The following TRMT9B variants were observed in gnomAD, a reference collection of about 807,000 sequenced individuals.
TRMT9B encodes tRNA methyltransferase 9B (putative), also known as probable tRNA methyltransferase 9B.
Under a neutral mutation model 11.5 loss-of-function variants are expected in TRMT9B, and 16 were observed. The observed-to-expected ratio is 1.39, with a 90% CI of 0.94 to 2.11. TRMT9B has a LOEUF of 2.11. Ranked by LOEUF, TRMT9B falls within the 30% of genes most tolerant of loss-of-function variation. The pLI, the probability that TRMT9B is intolerant of heterozygous loss-of-function variation, is 0.00. For synonymous variants in TRMT9B, 274 were observed against 192.4 expected (o/e 1.42, Z -3.51); for missense variants, 941 against 553.8 (o/e 1.70, Z -7.02).
intron 2 of TRMT9B, among the ~76,000 whole-genome samples, chr8:13,005,754 G>C (rs568081741): frequency 4.6e-5 from 7 of 152,196 alleles, no homozygotes; most frequent in African/African-American, 1.7e-4. Context: ...CTGATACAGA[G>C]ACATGGCTGG....
intron 4 of TRMT9B, among the ~76,000 whole-genome samples, chr8:13,018,200 G>C (rs1204921386): frequency 1.3e-5 from 2 of 150,548 alleles, no homozygotes; most frequent in Admixed American, 6.6e-5. Flanking sequence ...CCAGGAGTTC[G>C]ATACCAGCCT....
chr8:13,019,791 G>T (rs1268512773), intron 4 of TRMT9B, among the ~76,000 whole-genome samples: 1 of 152,114 alleles, frequency 6.6e-6, no homozygotes, highest in Admixed American at 6.5e-5. Flanking sequence ...AGGCCAGGAG[G>T]GTAGAGTGAT....
intron 1 of TRMT9B, among the ~76,000 whole-genome samples, chr8:12,953,643 T>G (rs2946505): frequency 0.73 from 110,863 of 152,126 alleles, 40,944 homozygotes; most frequent in Middle Eastern, 0.86. Context: ...GGTTAACTTG[T>G]TTGAAGTTTG....
intron 4 of TRMT9B, among the ~76,000 whole-genome samples, chr8:13,018,639 G>A (rs1180366238): frequency 6.6e-6 from 1 of 152,092 alleles, no homozygotes; most frequent in Non-Finnish European, 1.5e-5. Flanking sequence ...ATCCCAAGAG[G>A]CATACAGCGG....
At chr8:13,013,744 A>G (rs1563432561) in intron 4 of TRMT9B, among the ~76,000 whole-genome samples, 1 of 152,166 alleles carries the variant, frequency 6.6e-6, no homozygotes, top group South Asian at 2.1e-4. Flanking sequence ...GGAGGTCAGG[A>G]GATCGAGACC....
At chr8:12,959,516 C>CTCTTTTTTTTTTTTTTTTTTTTT (rs757156112) in intron 1 of TRMT9B, among the ~76,000 whole-genome samples, 5 of 74,934 alleles carry the variant, frequency 6.7e-5, no homozygotes, top group African/African-American at 2.5e-4. Flanking sequence ...TTTTTCCTTC[C>CTCTTTTTTTTTTTTTTTTTTTTT]TTTTTTTTTT....
chr8:12,960,208 C>G (rs1172954705), intron 1 of TRMT9B: 1 of 152,178 alleles, frequency 6.6e-6, no homozygotes, highest in African/African-American at 2.4e-5. Flanking sequence ...TTTTGGCACT[C>G]TAAGGAGTCA....
intron 1 of TRMT9B, among the ~76,000 whole-genome samples, chr8:12,985,114 A>C (rs1172608978): frequency 3.3e-5 from 5 of 152,164 alleles, no homozygotes; most frequent in Non-Finnish European, 7.3e-5. Flanking sequence ...TTTTCGAGGA[A>C]AACAAAGTGC....
chr8:13,009,608 G>A (rs1347523129), intron 3 of TRMT9B, among the ~76,000 whole-genome samples: 1 of 152,056 alleles, frequency 6.6e-6, no homozygotes, highest in East Asian at 1.9e-4. Context: ...CTGTGAGAGT[G>A]TGATGGGTAA....
rs762529372 is a variant in TRMT9B at position 13,021,369 on chromosome 8, T to C, written c.690T>C (p.Ser230=). The change falls in exon 5 of 5, where the codon TCT becomes TCC. Residue 230 remains serine, a synonymous_variant. Coordinates refer to ENST00000524591, the MANE Select transcript of TRMT9B (RefSeq NM_020844.3). ...AMARTCFANI[S]KEGEEEYGFY... ...CAAGAACCTGTTTTGCAAATATTTC[T>C]AAGGAAGGCGAGGAAGAATATGGAT... The C allele has an allele frequency of 2.5e-6, 4 of 1,614,072 alleles. No individual in the cohort carries two copies. The highest frequency in any genetic ancestry group is 1.7e-5 in the Admixed American group (1 of 60,036).
chr8:13,014,474 A>T (rs151082951), intron 4 of TRMT9B, among the ~76,000 whole-genome samples: 1 of 152,236 alleles, frequency 6.6e-6, no homozygotes, highest in African/African-American at 2.4e-5. Flanking sequence ...TGGAAGAAGA[A>T]GGGGAGAATG....
chr8:13,010,480 C>T, intron 3 of TRMT9B: 3 of 984,608 alleles, frequency 3.0e-6, no homozygotes, highest in Non-Finnish European at 3.6e-6. Context: ...GATGAATAGA[C>T]AATAGTTTGG....
At chr8:12,960,640 A>T (rs1244308998) in intron 1 of TRMT9B, among the ~76,000 whole-genome samples, 2 of 152,152 alleles carry the variant, frequency 1.3e-5, no homozygotes, top group Non-Finnish European at 2.9e-5. Context: ...AAAAGAAATG[A>T]TTTTTCAAGT....
chr8:12,951,182 C>T (rs1285069905), intron 1 of TRMT9B: 1 of 152,080 alleles, frequency 6.6e-6, no homozygotes, highest in Admixed American at 6.5e-5. Flanking sequence ...TGATGGGGCT[C>T]GTTTTGCAAA....
In TRMT9B at chr8:13,025,963, C is replaced by A. The variant is rs569510247; in HGVS notation, c.*3919C>A. On this transcript the variant is annotated 3_prime_UTR_variant, in exon 5 of 5. Coordinates refer to ENST00000524591, the MANE Select transcript of TRMT9B (RefSeq NM_020844.3). Reference sequence around the variant, plus strand: ...TAAACCAGCTAGGAACATGAATGCCCCTGATTATTAATGGCCAAAAAAAAA... The same window carrying A: ...TAAACCAGCTAGGAACATGAATGCCACTGATTATTAATGGCCAAAAAAAAA... 2.4e-5 allele frequency: 4 copies of A among 166,832 alleles called. No homozygotes were observed. The highest frequency in any genetic ancestry group is 1.3e-4 in the Admixed American group (2 of 15,282). The allele number at this position is 166,832 out of a possible 1,614,324, so 10.3% of individuals were successfully genotyped here.
In TRMT9B at chr8:13,027,632, T is replaced by A. The variant is rs926593953; in HGVS notation, c.*5588T>A. 1 of 167,078 alleles carries A rather than the reference T, an allele frequency of 6.0e-6. No homozygotes were observed. Among genetic ancestry groups the A allele is most frequent in the Non-Finnish European group, 1.5e-5 (1 of 68,126 alleles). 10.3% of individuals were successfully genotyped at this position (167,078 alleles called of 1,614,324 possible). On this transcript the variant is annotated 3_prime_UTR_variant, in exon 5 of 5. Coordinates refer to ENST00000524591, the MANE Select transcript of TRMT9B (RefSeq NM_020844.3). ...AAAGCTTTCATAAGAAATTACATAA[T>A]GACAAGTAATTCCCACATTCCCTAG...
chr8:13,006,635 C>A (rs776719158), intron 3 of TRMT9B: 1 of 1,357,708 alleles, frequency 7.4e-7, no homozygotes, highest in Middle Eastern at 2.7e-4. Flanking sequence ...ACAGTCAAGT[C>A]AGCAGCAAGT....
chr8:12,967,632 T>C (rs888196546), intron 1 of TRMT9B, among the ~76,000 whole-genome samples: 2 of 152,250 alleles, frequency 1.3e-5, no homozygotes, highest in African/African-American at 4.8e-5. Flanking sequence ...TCATTAACAA[T>C]GGCAAAGCCT....
At chr8:12,962,321 A>G (rs563287500) in intron 1 of TRMT9B, 284 of 152,358 alleles carry the variant, frequency 1.9e-3, no homozygotes, top group African/African-American at 6.6e-3. Flanking sequence ...ATGTTGAGTT[A>G]GATAATTTTA....
Sources: allele counts gnomAD v4.1 joint callset (sites outside exome capture counted in the v4.1 genomes callset), GRCh38; gene constraint gnomAD v4.1.1; transcripts MANE v1.5; gene names NCBI Gene and HGNC (gene_info 2026-07-23, HGNC 2026-07-21).